The following SH3RF3 variants were observed in gnomAD, a reference collection of about 807,000 sequenced individuals.
The protein encoded by SH3RF3 is SH3 domain containing ring finger 3.
In SH3RF3, 29 loss-of-function variants were observed where a neutral mutation model predicts 66.3. The ratio of observed to expected loss-of-function variants is 0.44; its 90% CI spans 0.33 to 0.60. The LOEUF is 0.60. SH3RF3 is among the 20% of genes least tolerant of loss of function. The probability of loss-of-function intolerance (pLI) is 0.04; values close to 1 mark genes in which losing one functional copy is unlikely to be tolerated. For synonymous variants in SH3RF3, 583 were observed against 532.0 expected, an observed-to-expected ratio of 1.10 and a Z score of -1.32; for missense variants, 1,194 against 1,190.9, an observed-to-expected ratio of 1.00 and a Z score of -0.04.
Position 109,321,791 on chromosome 2 carries a change from C to T in SH3RF3, c.574-25883C>T, listed in dbSNP as rs575236587. On this transcript the variant is annotated intron_variant, in intron 1 of 9. Transcript: ENST00000309415. The stretch of plus-strand genomic sequence containing the variant: ...TGTTATTCTGCTAGAGAGATGTGTT[C>T]GCGAGGGATTGGTCACATTTTGACA... 4.6e-5 allele frequency among the ~76,000 whole-genome samples: 7 copies of T among 152,276 alleles called. No homozygotes were observed. In the South Asian group the frequency reaches 1.2e-3, roughly 27 times the overall value.
intron 7 of SH3RF3, among the ~76,000 whole-genome samples, chr2:109,443,343 C>G (rs541662250): frequency 6.6e-5 from 10 of 152,302 alleles, no homozygotes; most frequent in Admixed American, 2.6e-4. Flanking sequence ...TGTGTTGCCC[C>G]CTATCGGCTC....
intron 9 of SH3RF3, among the ~76,000 whole-genome samples, chr2:109,495,596 C>G (rs1679240075): frequency 7.3e-6 from 1 of 137,180 alleles, no homozygotes; most frequent in South Asian, 2.5e-4. Flanking sequence ...TTAAGCAATT[C>G]TTGTGCCCAG....
chr2:109,279,243 C>T (rs1680827471), intron 1 of SH3RF3, among the ~76,000 whole-genome samples: 1 of 152,222 alleles, frequency 6.6e-6, no homozygotes, highest in Non-Finnish European at 1.5e-5. Flanking sequence ...CTGCTGACTT[C>T]TGAATGTGGC....
chr2:109,197,408 G>A (rs1028988682), intron 1 of SH3RF3, among the ~76,000 whole-genome samples: 4 of 152,146 alleles, frequency 2.6e-5, no homozygotes, highest in Admixed American at 6.5e-5. Context: ...GTTTGTCCTC[G>A]GGCTGGTGGC....
intron 7 of SH3RF3, among the ~76,000 whole-genome samples, chr2:109,447,147 T>TA (rs61240132): frequency 0.047 from 3,875 of 82,530 alleles, 82 homozygotes; most frequent in African/African-American, 0.066. Flanking sequence ...CCTGAATATT[T>TA]AAAAAAAAAA....
chr2:109,375,249 G>C (rs1047677996), intron 3 of SH3RF3, among the ~76,000 whole-genome samples: 1 of 152,194 alleles, frequency 6.6e-6, no homozygotes, highest in African/African-American at 2.4e-5. Context: ...TCCAGCCACC[G>C]TCCCATGCCC....
intron 3 of SH3RF3, among the ~76,000 whole-genome samples, chr2:109,377,251 C>A (rs113522833): frequency 3.6e-4 from 55 of 152,268 alleles, no homozygotes; most frequent in Admixed American, 6.5e-4. Flanking sequence ...GGGTGCTGGA[C>A]CTCCGTGGGC....
At chr2:109,307,395 C>A (rs1285980092) in intron 1 of SH3RF3, among the ~76,000 whole-genome samples, 1 of 150,990 alleles carries the variant, frequency 6.6e-6, no homozygotes, top group Non-Finnish European at 1.5e-5. Flanking sequence ...ATGCTCTGGG[C>A]GGAAGCTTGG....
intron 7 of SH3RF3, among the ~76,000 whole-genome samples, chr2:109,448,963 C>T (rs1292565782): frequency 2.6e-5 from 4 of 152,218 alleles, no homozygotes; most frequent in Admixed American, 2.6e-4. Context: ...CCCCTGATCC[C>T]TTGGGCTTTG....
At chr2:109,196,104 A>C (rs1221862490) in intron 1 of SH3RF3, among the ~76,000 whole-genome samples, 1 of 152,186 alleles carries the variant, frequency 6.6e-6, no homozygotes, top group Non-Finnish European at 1.5e-5. Flanking sequence ...AGCCTCCTTT[A>C]ATGGGACGAG....
chr2:109,437,243 A>G (rs1449802768), intron 7 of SH3RF3, 97 bp downstream of exon 7: 4 of 1,456,040 alleles, frequency 2.7e-6, no homozygotes, highest in Non-Finnish European at 3.6e-6. Flanking sequence ...CCAGCAGTGC[A>G]TGTGTGGCTG....
chr2:109,147,279 G>A (rs924204146), intron 1 of SH3RF3, among the ~76,000 whole-genome samples: 3 of 152,146 alleles, frequency 2.0e-5, no homozygotes, highest in African/African-American at 7.2e-5. Context: ...GGGGTGTGGG[G>A]AGGTGGTGCT....
At chr2:109,404,676 T>G (rs1338226094) in intron 4 of SH3RF3, among the ~76,000 whole-genome samples, 1 of 152,108 alleles carries the variant, frequency 6.6e-6, no homozygotes, top group Non-Finnish European at 1.5e-5. Context: ...TCCCACCGGG[T>G]GCCCCCTCCC....
At position 109,419,637 on chromosome 2, in the gene SH3RF3, C is replaced by T; in HGVS notation, c.1398C>T (p.Leu466=). 6.3e-7 allele frequency: 1 copy of T among 1,575,898 alleles called. No individual in the cohort carries two copies. The highest frequency in any genetic ancestry group is 8.6e-7 in the Non-Finnish European group (1 of 1,162,600). ...QGTPPKVQLP[L]NVYLALYAYK... ...CGCCTCCCAAGGTCCAGCTGCCCCT[C>T]AACGTGTGAGCTGCCCTTTGTGTCT... The change falls in exon 5 of 10, where the codon CTC becomes CTT. Residue 466 remains leucine, a synonymous_variant. Coordinates refer to ENST00000309415, the MANE Select transcript of SH3RF3 (RefSeq NM_001099289.3).
At chr2:109,303,531 G>C (rs1681521841) in intron 1 of SH3RF3, among the ~76,000 whole-genome samples, 1 of 152,154 alleles carries the variant, frequency 6.6e-6, no homozygotes, top group African/African-American at 2.4e-5. Context: ...CCCTGCAATG[G>C]TCTGTTTCCT....
At chr2:109,369,753 A>G (rs1356096038) in intron 2 of SH3RF3, among the ~76,000 whole-genome samples, 5 of 152,158 alleles carry the variant, frequency 3.3e-5, no homozygotes, top group African/African-American at 1.2e-4. Context: ...TGTTAGATCA[A>G]TGCTGCCTCA....
intron 3 of SH3RF3, among the ~76,000 whole-genome samples, chr2:109,380,283 T>C (rs1456540014): frequency 6.6e-6 from 1 of 152,226 alleles, no homozygotes; most frequent in Non-Finnish European, 1.5e-5. Flanking sequence ...TTACATTCCA[T>C]TGCTGCTGGG....
chr2:109,393,524 C>T (rs889445163), intron 3 of SH3RF3, among the ~76,000 whole-genome samples: 1 of 152,156 alleles, frequency 6.6e-6, no homozygotes, highest in Admixed American at 6.5e-5. Context: ...GCCCAGGACA[C>T]AGTAGGTGCT....
chr2:109,324,628 G>C (rs983554381), intron 1 of SH3RF3, among the ~76,000 whole-genome samples: 10 of 152,168 alleles, frequency 6.6e-5, no homozygotes, highest in African/African-American at 2.4e-5. Context: ...TTTGAAGACA[G>C]TATTTGAAGA....
Sources: allele counts gnomAD v4.1 joint callset (sites outside exome capture counted in the v4.1 genomes callset), GRCh38; gene constraint gnomAD v4.1.1; transcripts MANE v1.5; gene names NCBI Gene and HGNC (gene_info 2026-07-23, HGNC 2026-07-21).